Variants in P2RY12 observed in about 807,000 individuals in gnomAD.
P2RY12 encodes the protein purinergic receptor P2Y12, also known as P2Y purinoceptor 12.
Under a neutral mutation model 4.5 loss-of-function variants are expected in P2RY12, and 3 were observed. That is an observed-to-expected ratio of 0.67 (90% CI 0.31 to 1.74). P2RY12 has a LOEUF of 1.74. P2RY12 is among the 40% of genes most tolerant of loss of function. The pLI, the probability that P2RY12 is intolerant of heterozygous loss-of-function variation, is 0.09. For synonymous variants in P2RY12, 148 were observed against 154.1 expected, an observed-to-expected ratio of 0.96 and a Z score of 0.29; for missense variants, 356 against 407.8, an observed-to-expected ratio of 0.87 and a Z score of 1.09.
intron 1 of P2RY12, among the ~76,000 whole-genome samples, chr3:151,376,379 G>A (rs2108066697): frequency 6.6e-6 from 1 of 152,228 alleles, no homozygotes; most frequent in Non-Finnish European, 1.5e-5. Flanking sequence ...TTGGGTGGAT[G>A]TACATGCTGC....
chr3:151,369,307 A>G (rs1755887167), intron 1 of P2RY12: 8 of 545,642 alleles, frequency 1.5e-5, no homozygotes, highest in Non-Finnish European at 1.7e-5. Context: ...TCCATGAAGC[A>G]TCAATTAAAG....
intron 1 of P2RY12, among the ~76,000 whole-genome samples, chr3:151,362,689 A>C (rs951610686): frequency 1.3e-5 from 2 of 152,100 alleles, no homozygotes; most frequent in Non-Finnish European, 2.9e-5. Flanking sequence ...AGTGTCTTGA[A>C]GAGTATGTGG....
intron 1 of P2RY12, among the ~76,000 whole-genome samples, chr3:151,379,790 T>G (rs1297885043): frequency 6.6e-6 from 1 of 152,222 alleles, no homozygotes; most frequent in Admixed American, 6.5e-5. Context: ...TTCTTTCTGA[T>G]GTACATTTTT....
At chr3:151,376,841 C>G in intron 1 of P2RY12, 5 of 1,613,984 alleles carry the variant, frequency 3.1e-6, no homozygotes, top group Non-Finnish European at 4.2e-6. Context: ...GGTTAGAACT[C>G]CAGCTAATGA....
At chr3:151,383,694 AC>A (rs752851354) in intron 1 of P2RY12, 38 of 819,462 alleles carry the variant, frequency 4.6e-5, no homozygotes, top group Non-Finnish European at 5.8e-5. Context: ...TAAATAAAAA[AC>A]AATCAAAATT....
At chr3:151,372,401 T>C (rs1457557223) in intron 1 of P2RY12, among the ~76,000 whole-genome samples, 7 of 152,236 alleles carry the variant, frequency 4.6e-5, no homozygotes, top group African/African-American at 1.7e-4. Flanking sequence ...TCTGGGTTCA[T>C]GCATTTATGC....
At chr3:151,360,086 G>C (rs1371014907) in intron 1 of P2RY12, among the ~76,000 whole-genome samples, 1 of 152,160 alleles carries the variant, frequency 6.6e-6, no homozygotes, top group Non-Finnish European at 1.5e-5. Context: ...CCTTTACAAA[G>C]GAGAAAACTT....
chr3:151,358,118 T>C (rs1754156274), intron 1 of P2RY12, among the ~76,000 whole-genome samples: 8 of 152,202 alleles, frequency 5.3e-5, no homozygotes, highest in Admixed American at 5.2e-4. Flanking sequence ...TTTTATTTTT[T>C]TAATCTAGCA....
At chr3:151,350,031 G>C (rs769435638) in intron 1 of P2RY12, 2 of 1,599,882 alleles carry the variant, frequency 1.3e-6, no homozygotes, top group South Asian at 1.1e-5. Context: ...GCAGACAAGA[G>C]TTTCAGAATG....
At chr3:151,340,222 G>A (rs538093854) in intron 2 of P2RY12, among the ~76,000 whole-genome samples, 44 of 152,212 alleles carry the variant, frequency 2.9e-4, no homozygotes, top group Admixed American at 2.4e-3. Flanking sequence ...ATCCCTGACC[G>A]TTTTGGAAAT....
At chr3:151,361,084 C>G (rs574340267) in intron 1 of P2RY12, among the ~76,000 whole-genome samples, 1 of 152,122 alleles carries the variant, frequency 6.6e-6, no homozygotes, top group East Asian at 1.9e-4. Flanking sequence ...TGATATCTAC[C>G]TTTTCTGAGC....
intron 1 of P2RY12, chr3:151,350,007 G>A: frequency 6.4e-7 from 1 of 1,571,824 alleles, no homozygotes; most frequent in South Asian, 1.2e-5. Context: ...GATATGAAAT[G>A]CAACCCCACC....
intron 1 of P2RY12, among the ~76,000 whole-genome samples, chr3:151,357,859 A>G (rs1189159031): frequency 6.6e-6 from 1 of 152,196 alleles, no homozygotes; most frequent in Non-Finnish European, 1.5e-5. Flanking sequence ...CTTCATTTTC[A>G]GTTGTAGGCT....
chr3:151,354,798 C>T (rs1753706973), intron 1 of P2RY12, among the ~76,000 whole-genome samples: 1 of 152,112 alleles, frequency 6.6e-6, no homozygotes, highest in South Asian at 2.1e-4. Context: ...CTGTTGATTG[C>T]AAGATGCCAG....
At position 151,338,444 on chromosome 3, in the gene P2RY12, G is replaced by A. The variant is rs777756610; in HGVS notation, c.402C>T (p.Asn134=). Residue 134 remains asparagine, a synonymous_variant, in exon 3 of 3, where the codon AAC becomes AAT. Coordinates refer to ENST00000302632, the MANE Select transcript of P2RY12 (RefSeq NM_022788.5). ...QKTTRPFKTS[N]PKNLLGAKIL... The stretch of plus-strand genomic sequence containing the variant: ...TCTTAGCCCCCAAGAGATTTTTGGG[G>A]TTGGATGTTTTAAATGGCCTGGTGG... 1 of 1,614,058 alleles carries A rather than the reference G, an allele frequency of 6.2e-7. No homozygotes were observed. Among genetic ancestry groups the A allele is most frequent in the Admixed American group, 1.7e-5 (1 of 59,988 alleles).
chr3:151,376,389 C>T (rs868837246), intron 1 of P2RY12, among the ~76,000 whole-genome samples: 1 of 152,088 alleles, frequency 6.6e-6, no homozygotes, highest in East Asian at 1.9e-4. Context: ...GTACATGCTG[C>T]AAATTGTATA....
intron 1 of P2RY12, among the ~76,000 whole-genome samples, chr3:151,371,374 AT>A (rs1038822133): frequency 2.6e-5 from 4 of 152,232 alleles, no homozygotes. Flanking sequence ...TACTTGCAGA[AT>A]TTAGTCTTTT....
chr3:151,348,741 CAGACCGACACAA>C, intron 1 of P2RY12, among the ~76,000 whole-genome samples: 1 of 152,238 alleles, frequency 6.6e-6, no homozygotes, highest in East Asian at 1.9e-4. Flanking sequence ...CTGAGAAAGA[CAGACCGACACAA>C]AGACTGAGAG....
chr3:151,357,165 A>AT, intron 1 of P2RY12: 1 of 1,446,214 alleles, frequency 6.9e-7, no homozygotes. Flanking sequence ...TGTTTTCTCT[A>AT]TTTGTTTTGG....
Sources: gnomAD v4.1 joint callset for allele counts (sites outside exome capture counted in the v4.1 genomes callset) on GRCh38, gnomAD v4.1.1 for gene constraint, MANE v1.5 for transcripts, NCBI Gene and HGNC (gene_info 2026-07-23, HGNC 2026-07-21) for gene names.